CTIF: variants seen among roughly 807,000 people sequenced by gnomAD.
The protein encoded by CTIF is CBP80/20-dependent translation initiation factor.
Under a neutral mutation model 66.0 loss-of-function variants are expected in CTIF, and 21 were observed. That is an observed-to-expected ratio of 0.32 (90% confidence interval 0.23 to 0.46). The LOEUF is 0.46. Ranked by LOEUF, CTIF falls within the 20% of genes least tolerant of loss-of-function variation. CTIF has a pLI of 1.00. For synonymous variants in CTIF, 345 were observed against 326.4 expected (o/e 1.06, Z -0.62); for missense variants, 739 against 812.7 (o/e 0.91, Z 1.10).
At chr18:48,560,176 G>A (rs1351602606) in intron 1 of CTIF, among the ~76,000 whole-genome samples, 2 of 151,882 alleles carry the variant, frequency 1.3e-5, no homozygotes, top group East Asian at 1.9e-4. Context: ...AGACGGTGGG[G>A]ACACAGACCC....
chr18:48,579,074 C>A (rs998009747), intron 1 of CTIF, among the ~76,000 whole-genome samples: 1 of 152,120 alleles, frequency 6.6e-6, no homozygotes, highest in Non-Finnish European at 1.5e-5. Context: ...TTGTTAGAGA[C>A]AGTGTCTCAC....
At chr18:48,669,842 A>ATATAT (rs2091499720) in intron 5 of CTIF, among the ~76,000 whole-genome samples, 1 of 69,842 alleles carries the variant, frequency 1.4e-5, no homozygotes, top group Non-Finnish European at 3.1e-5. Context: ...TATATATATA[A>ATATAT]GCTAGACTAT....
At chr18:48,707,534 T>C (rs369529108) in intron 6 of CTIF, among the ~76,000 whole-genome samples, 1 of 151,996 alleles carries the variant, frequency 6.6e-6, no homozygotes, top group South Asian at 2.1e-4. Flanking sequence ...TCCTCCTCCT[T>C]CTTTTCCTTG....
chr18:48,571,765 A>G (rs998901592), intron 1 of CTIF, among the ~76,000 whole-genome samples: 1 of 152,084 alleles, frequency 6.6e-6, no homozygotes, highest in Non-Finnish European at 1.5e-5. Flanking sequence ...CTGTGTAGTC[A>G]AAGGCAAATC....
At chr18:48,848,254 T>C (rs1717951601) in intron 10 of CTIF, among the ~76,000 whole-genome samples, 1 of 151,984 alleles carries the variant, frequency 6.6e-6, no homozygotes, top group African/African-American at 2.4e-5. Flanking sequence ...CTTCAGCTTG[T>C]CCCCCCACAG....
chr18:48,577,897 A>G (rs1227450122), intron 1 of CTIF, among the ~76,000 whole-genome samples: 1 of 152,190 alleles, frequency 6.6e-6, no homozygotes, highest in Non-Finnish European at 1.5e-5. Context: ...TTTTAAATAT[A>G]TTGACGATGT....
chr18:48,849,956 C>T (rs994929939), intron 10 of CTIF, among the ~76,000 whole-genome samples: 15 of 152,146 alleles, frequency 9.9e-5, no homozygotes, highest in African/African-American at 7.2e-5. Context: ...CCATCCCCAC[C>T]GTCCATCTCC....
intron 1 of CTIF, among the ~76,000 whole-genome samples, chr18:48,546,797 C>A (rs1435838433): frequency 1.3e-5 from 2 of 152,138 alleles, no homozygotes; most frequent in African/African-American, 2.4e-5. Context: ...GACAGCAGCC[C>A]GTCCGCATGG....
At chr18:48,717,177 T>A (rs2145534318) in intron 7 of CTIF, among the ~76,000 whole-genome samples, 1 of 152,246 alleles carries the variant, frequency 6.6e-6, no homozygotes, top group Middle Eastern at 3.4e-3. Context: ...GACGGGCAGA[T>A]CACCTGAGGT....
At chr18:48,763,978 G>A (rs1189138076) in intron 9 of CTIF, among the ~76,000 whole-genome samples, 1 of 152,090 alleles carries the variant, frequency 6.6e-6, no homozygotes, top group Non-Finnish European at 1.5e-5. Context: ...GTGCCACCTT[G>A]TCTCTGGAGC....
rs186559910 is a variant in CTIF, at chr18:48,842,011, C to T, written c.1528-15577C>T. Among the ~76,000 whole-genome samples, 372 of 152,310 alleles carry T rather than the reference C, an allele frequency of 2.4e-3. 2 individuals are homozygous for T. Among genetic ancestry groups the T allele is most frequent in the Middle Eastern group, 6.8e-3 (2 of 294 alleles). ...TTTGCCTCCGGTTTCATTAAATCTA[C>T]CTGGTTCTCAATCGGGGGCAGTTAA... On this transcript the variant is annotated intron_variant, in intron 10 of 11. Transcript: ENST00000256413.
chr18:48,834,019 C>T (rs28626906), intron 10 of CTIF, among the ~76,000 whole-genome samples: 17,206 of 151,772 alleles, frequency 0.11, 945 homozygotes, highest in Middle Eastern at 0.14. Context: ...CCCTTCTCTC[C>T]CCTTCCCCCT....
At chr18:48,593,128 G>A (rs1399371397) in intron 1 of CTIF, among the ~76,000 whole-genome samples, 1 of 152,212 alleles carries the variant, frequency 6.6e-6, no homozygotes, top group African/African-American at 2.4e-5. Flanking sequence ...AGCATTCAAG[G>A]TGCAGGAGGA....
chr18:48,714,177 C>T (rs1442484795), intron 7 of CTIF, among the ~76,000 whole-genome samples: 1 of 152,220 alleles, frequency 6.6e-6, no homozygotes, highest in African/African-American at 2.4e-5. Context: ...TAGTAGTAGC[C>T]TTGCTAAGTG....
intron 10 of CTIF, among the ~76,000 whole-genome samples, chr18:48,823,270 G>A (rs1218511983): frequency 1.3e-5 from 2 of 149,648 alleles, no homozygotes; most frequent in Non-Finnish European, 3.0e-5. Flanking sequence ...TTTTCTTTAT[G>A]TTTTCTTCTA....
At chr18:48,757,864 C>A (rs1272192019) in intron 7 of CTIF, 55 bp from the exon 8 acceptor site, 6 of 1,563,466 alleles carry the variant, frequency 3.8e-6, no homozygotes, top group Non-Finnish European at 4.3e-6. Context: ...GGCACAGGGA[C>A]TCTGACCAGC....
At chr18:48,644,201 G>C (rs777146331) in intron 3 of CTIF, among the ~76,000 whole-genome samples, 2 of 152,068 alleles carry the variant, frequency 1.3e-5, no homozygotes, top group Non-Finnish European at 2.9e-5. Context: ...TTATTTATTT[G>C]TTCTTTCACC....
intron 6 of CTIF, among the ~76,000 whole-genome samples, chr18:48,694,188 T>G (rs2091973671): frequency 6.6e-6 from 1 of 152,242 alleles, no homozygotes; most frequent in African/African-American, 2.4e-5. Flanking sequence ...CTGTTTTCTC[T>G]GCAGGCTGTG....
chr18:48,617,813 G>T (rs1246673241), intron 1 of CTIF, among the ~76,000 whole-genome samples: 1 of 152,200 alleles, frequency 6.6e-6, no homozygotes, highest in Non-Finnish European at 1.5e-5. Flanking sequence ...CCAGTCCGCT[G>T]ATTCCTCCCT....
Sources: allele counts gnomAD v4.1 joint callset (sites outside exome capture counted in the v4.1 genomes callset), GRCh38; gene constraint gnomAD v4.1.1; transcripts MANE v1.5; gene names NCBI Gene and HGNC (gene_info 2026-07-23, HGNC 2026-07-21).